The following ANAPC1 variants were observed in gnomAD, a reference collection of about 807,000 sequenced individuals.
The protein encoded by ANAPC1 is anaphase promoting complex subunit 1.
In ANAPC1, 36 loss-of-function variants were observed where a neutral mutation model predicts 208.0. That is an observed-to-expected ratio of 0.17 (90% CI 0.13 to 0.23). The LOEUF is 0.23. Ranked by LOEUF, ANAPC1 falls within the 10% of genes least tolerant of loss-of-function variation. ANAPC1 has a pLI of 1.00. For synonymous variants in ANAPC1, 378 were observed against 695.2 expected (o/e 0.54, Z 7.18); for missense variants, 942 against 2,011.6 (o/e 0.47, Z 10.17).
Position 111,820,298 on chromosome 2 carries a change from C to T in ANAPC1, c.3206+941G>A, listed in dbSNP as rs527926802. Reference sequence around the variant, plus strand: ...ATTCACTTGATACACAGCACCATCCCATGAAGTATGCCTACTTTTACAAAT... The same window carrying T: ...ATTCACTTGATACACAGCACCATCCTATGAAGTATGCCTACTTTTACAAAT... On this transcript the variant is annotated intron_variant, in intron 26 of 47. Transcript: ENST00000341068. Among the ~76,000 whole-genome samples, 16 of 152,340 alleles carry T rather than the reference C, an allele frequency of 1.1e-4. No individual in the cohort carries two copies. In the South Asian group the frequency reaches 3.3e-3, roughly 32 times the overall value.
Position 111,769,679 on chromosome 2 carries a change from C to CTTTTTTTTT in ANAPC1, c.5720-282_5720-274dup, listed in dbSNP as rs767767639. Reference sequence around the variant, plus strand: ...TATCTGCATTACACCTACTGGCTTTCTTTTTTTTTTTTTTTTTTTGGAGAC... The same window carrying CTTTTTTTTT: ...TATCTGCATTACACCTACTGGCTTTCTTTTTTTTTTTTTTTTTTTTTTTTTTTTGGAGAC... On this transcript the variant is annotated intron_variant, in intron 47 of 47. Transcript: ENST00000341068. Among the ~76,000 whole-genome samples the CTTTTTTTTT allele has an allele frequency of 4.8e-5, 4 of 83,250 alleles. 2 individuals carry two copies. Among genetic ancestry groups the CTTTTTTTTT allele is most frequent in the Non-Finnish European group, 4.6e-5 (2 of 43,566 alleles). 54.6% of individuals were successfully genotyped at this position (83,250 alleles called of 152,430 possible).
Position 111,768,535 on chromosome 2 carries a change from C to T in ANAPC1, c.*756G>A, listed in dbSNP as rs533844930. 170 of 150,298 alleles carry T rather than the reference C, an allele frequency of 1.1e-3. No individual in the cohort carries two copies. Among genetic ancestry groups the T allele is most frequent in the African/African-American group, 3.9e-3 (156 of 40,110 alleles). 9.3% of individuals were successfully genotyped at this position (150,298 alleles called of 1,614,324 possible). ...GGGCTCTTCTTGGCTTGCAGACGGC[C>T]GACTCCTCACTGTCTTCACATGGCA... On this transcript the variant is annotated 3_prime_UTR_variant, in exon 48 of 48. Coordinates refer to ENST00000341068, the MANE Select transcript of ANAPC1 (RefSeq NM_022662.4).
intron 7 of ANAPC1, chr2:111,865,944 G>A (rs541137793): frequency 7.3e-4 from 151 of 205,678 alleles, no homozygotes; most frequent in African/African-American, 3.0e-3. Flanking sequence ...GGTGGCTAAC[G>A]CCTGTAATCC....
intron 20 of ANAPC1, among the ~76,000 whole-genome samples, chr2:111,832,322 A>AAAG (rs1558701382): frequency 2.6e-5 from 4 of 151,510 alleles, no homozygotes; most frequent in African/African-American, 9.7e-5. Flanking sequence ...AAAAAAAAAA[A>AAAG]AAGAAGAATC....
chr2:111,872,966 T>C (rs1403419092), intron 5 of ANAPC1: 7 of 523,196 alleles, frequency 1.3e-5, no homozygotes, highest in East Asian at 1.3e-4. Flanking sequence ...AAAATGACAA[T>C]GTGTTAACAA....
At chr2:111,857,976 A>ATT (rs1040260703) in intron 11 of ANAPC1, among the ~76,000 whole-genome samples, 4 of 151,802 alleles carry the variant, frequency 2.6e-5, no homozygotes, top group Non-Finnish European at 4.4e-5. Context: ...CATTATATAT[A>ATT]TATAAATGTC....
chr2:111,826,621 C>T (rs1194393432), intron 21 of ANAPC1, among the ~76,000 whole-genome samples: 1 of 151,874 alleles, frequency 6.6e-6, no homozygotes, highest in Non-Finnish European at 1.5e-5. Flanking sequence ...CATTTGGTTC[C>T]AGTTTGTGGT....
At chr2:111,875,322 GA>G (rs1682965710) in intron 3 of ANAPC1, among the ~76,000 whole-genome samples, 1 of 152,134 alleles carries the variant, frequency 6.6e-6, no homozygotes, top group Non-Finnish European at 1.5e-5. Flanking sequence ...GAAAATTCAG[GA>G]AGAAAACCAT....
At position 111,878,968 on chromosome 2, in the gene ANAPC1, T is replaced by G; in HGVS notation, c.217A>C (p.Ser73Arg). The change falls in exon 3 of 48, where the codon AGC becomes CGC. Residue 73 changes from serine to arginine, a missense_variant. Coordinates refer to ENST00000341068, the MANE Select transcript of ANAPC1 (RefSeq NM_022662.4). ...EVTIHEKQKESWQLRKGVSEI... is the reference protein window; with the variant it reads ...EVTIHEKQKERWQLRKGVSEI... ...CTTACTCCTTTCCTTAACTGCCAGC[T>G]TTCCTTAAAAATTAACACATGTAAA... 1 of 1,585,046 alleles carries G rather than the reference T, an allele frequency of 6.3e-7. No individual in the cohort carries two copies. Among genetic ancestry groups the G allele is most frequent in the Non-Finnish European group, 8.5e-7 (1 of 1,171,846 alleles).
chr2:111,880,309 T>C (rs778744205), intron 2 of ANAPC1, among the ~76,000 whole-genome samples: 1 of 151,720 alleles, frequency 6.6e-6, no homozygotes, highest in Non-Finnish European at 1.5e-5. Context: ...GAGGCAGAGG[T>C]TGCGGTGAGC....
At chr2:111,845,156 A>G (rs772841007) in intron 16 of ANAPC1, among the ~76,000 whole-genome samples, 1 of 152,156 alleles carries the variant, frequency 6.6e-6, no homozygotes, top group Non-Finnish European at 1.5e-5. Context: ...GCCTTATACC[A>G]TTCTCAATGG....
chr2:111,782,798 T>C (rs2104496150), intron 42 of ANAPC1, among the ~76,000 whole-genome samples: 1 of 152,330 alleles, frequency 6.6e-6, no homozygotes, highest in African/African-American at 2.4e-5. Context: ...TTTCTTTGTA[T>C]TCCCTATATC....
At position 111,768,779 on chromosome 2, in the gene ANAPC1, CCTT is replaced by C. The variant is rs1171527162; in HGVS notation, c.*509_*511del. ...GTTGAGCAACTGAGGGCAAAAATCT[CCTT>C]CTCCTGTTTAAGGTGATCACATCAT... On this transcript the variant is annotated 3_prime_UTR_variant, in exon 48 of 48. Coordinates refer to ENST00000341068, the MANE Select transcript of ANAPC1 (RefSeq NM_022662.4). The C allele has an allele frequency of 1.4e-5, 2 of 148,030 alleles. No individual in the cohort carries two copies. The highest frequency in any genetic ancestry group is 5.0e-5 in the African/African-American group (2 of 40,238). The allele number at this position is 148,030 out of a possible 1,614,324, so 9.2% of individuals were successfully genotyped here. A position where few individuals can be genotyped will look rare whatever the true frequency, so the allele number is the denominator to read the frequency against.
At chr2:111,863,394 G>A (rs1682190763) in intron 9 of ANAPC1, among the ~76,000 whole-genome samples, 1 of 151,400 alleles carries the variant, frequency 6.6e-6, no homozygotes, top group African/African-American at 2.4e-5. Context: ...GCAGGCGCCT[G>A]TAGTCCCAGC....
At chr2:111,842,740 T>C (rs1432054967) in intron 17 of ANAPC1, among the ~76,000 whole-genome samples, 1 of 149,634 alleles carries the variant, frequency 6.7e-6, no homozygotes, top group Non-Finnish European at 1.5e-5. Context: ...TAATCTAGAG[T>C]GATTTTTTTT....
intron 14 of ANAPC1, among the ~76,000 whole-genome samples, chr2:111,850,119 A>G (rs561025768): frequency 1.7e-4 from 26 of 152,294 alleles, no homozygotes; most frequent in Admixed American, 1.6e-3. Flanking sequence ...AAATGCTCAA[A>G]AAAGGTTATT....
chr2:111,869,762 T>C (rs1341058885), intron 6 of ANAPC1, among the ~76,000 whole-genome samples: 1 of 152,182 alleles, frequency 6.6e-6, no homozygotes, highest in African/African-American at 2.4e-5. Context: ...TGGCTTTTGG[T>C]GACACAGAAT....
rs1678036834 is a variant in ANAPC1, at chr2:111,794,152, A to G, written c.4465-21T>C. On this transcript the variant is annotated intron_variant, in intron 36 of 47. Transcript: ENST00000341068. ...TTATGCTAGAAAAACAAAAGAAAAAATTCCAAGTTATAAGAAGCATCTTAA... is the reference window on the plus strand; with the variant it reads ...TTATGCTAGAAAAACAAAAGAAAAAGTTCCAAGTTATAAGAAGCATCTTAA... The G allele has an allele frequency of 2.0e-6, 3 of 1,475,544 alleles. No homozygotes were observed. In the East Asian group the frequency reaches 7.1e-5, roughly 35 times the overall value. The allele number at this position is 1,475,544 out of a possible 1,614,324, so 91.4% of individuals were successfully genotyped here.
chr2:111,771,822 TTCA>T (rs1226952529), intron 47 of ANAPC1, among the ~76,000 whole-genome samples: 2 of 152,098 alleles, frequency 1.3e-5, no homozygotes, highest in African/African-American at 4.8e-5. Context: ...GTGCTTAGAA[TTCA>T]TCATATCTTA....
Sources: allele counts gnomAD v4.1 joint callset (sites outside exome capture counted in the v4.1 genomes callset), GRCh38; gene constraint gnomAD v4.1.1; transcripts MANE v1.5; gene names NCBI Gene and HGNC (gene_info 2026-07-23, HGNC 2026-07-21).